Variants in MYT1L observed in about 807,000 individuals in gnomAD.
MYT1L encodes the protein myelin transcription factor 1-like protein.
MYT1L carries 12 observed loss-of-function variants against 126.7 expected under a neutral mutation model. The ratio of observed to expected loss-of-function variants is 0.09; its 90% confidence interval spans 0.06 to 0.15. MYT1L has a LOEUF of 0.15. Ranked by LOEUF, MYT1L falls within the 10% of genes least tolerant of loss-of-function variation. The pLI is 1.00. For synonymous variants in MYT1L, 541 were observed against 604.2 expected, an observed-to-expected ratio of 0.90 and a Z score of 1.53; for missense variants, 979 against 1,585.2, an observed-to-expected ratio of 0.62 and a Z score of 6.49.
chr2:1,867,368 C>T (rs1451270932), intron 18 of MYT1L, among the ~76,000 whole-genome samples: 2 of 152,164 alleles, frequency 1.3e-5, no homozygotes, highest in South Asian at 2.1e-4. Context: ...TTGGCTCTCA[C>T]CCCGGTGCCC....
chr2:1,846,691 G>A (rs1267945840), intron 19 of MYT1L, among the ~76,000 whole-genome samples: 1 of 152,158 alleles, frequency 6.6e-6, no homozygotes, highest in Non-Finnish European at 1.5e-5. Context: ...GGAGCCCAGG[G>A]GCAGAGCACA....
intron 4 of MYT1L, among the ~76,000 whole-genome samples, chr2:2,052,461 T>C (rs186282922): frequency 2.0e-5 from 3 of 152,262 alleles, no homozygotes; most frequent in Admixed American, 2.0e-4. Context: ...AACAACGAAA[T>C]GTTTGTGTGT....
At chr2:1,934,307 T>TATATATATATATACACAC (rs71276816) in intron 9 of MYT1L, among the ~76,000 whole-genome samples, 4 of 132,174 alleles carry the variant, frequency 3.0e-5, no homozygotes, top group African/African-American at 8.2e-5. Flanking sequence ...TATATATATA[T>TATATATATATATACACAC]ACAACCTCAT....
chr2:1,804,281 C>A (rs966286681), intron 22 of MYT1L, among the ~76,000 whole-genome samples: 1 of 152,130 alleles, frequency 6.6e-6, no homozygotes, highest in Admixed American at 6.5e-5. Context: ...CCACTACACC[C>A]GGCTAATTTT....
rs567922066 is a variant in MYT1L, at chr2:2,081,731, A to ATATT, written c.-303-27612_-303-27609dup. Reference sequence around the variant, plus strand: ...CATACCTTAGTTAGTTTATTTATTTATATTTATTTATTTATTTATTTACTT... The same window carrying ATATT: ...CATACCTTAGTTAGTTTATTTATTTATATTTATTTATTTATTTATTTATTTACTT... On this transcript the variant is annotated intron_variant, in intron 3 of 24. Coordinates refer to ENST00000647738, the MANE Select transcript of MYT1L (RefSeq NM_001303052.2). 4.3e-3 allele frequency among the ~76,000 whole-genome samples: 656 copies of ATATT among 151,884 alleles called. 5 individuals carry two copies. The highest frequency in any genetic ancestry group is 0.014 in the African/African-American group (583 of 41,420).
intron 3 of MYT1L, among the ~76,000 whole-genome samples, chr2:2,148,230 G>A (rs993117468): frequency 6.6e-6 from 1 of 152,238 alleles, no homozygotes; most frequent in Non-Finnish European, 1.5e-5. Context: ...CCAAGGACCA[G>A]TTTCTTGGAA....
chr2:2,089,028 T>TA (rs1444676719), intron 3 of MYT1L, among the ~76,000 whole-genome samples: 1 of 152,200 alleles, frequency 6.6e-6, no homozygotes, highest in Non-Finnish European at 1.5e-5. Context: ...ATGAATATGA[T>TA]AAACAGTGGG....
chr2:2,265,552 G>T (rs1048572907), intron 2 of MYT1L, among the ~76,000 whole-genome samples: 3 of 152,166 alleles, frequency 2.0e-5, no homozygotes, highest in African/African-American at 4.8e-5. Flanking sequence ...GACCAGGCGG[G>T]CCTTCCTCCC....
chr2:2,261,003 C>A lies in MYT1L; in HGVS notation c.-421+23401G>T, dbSNP rs531496833. 5.3e-5 allele frequency among the ~76,000 whole-genome samples: 8 copies of A among 152,294 alleles called. No homozygotes were observed. In the South Asian group the frequency reaches 1.7e-3, roughly 32 times the overall value. On this transcript the variant is annotated intron_variant, in intron 2 of 24. Coordinates refer to ENST00000647738, the MANE Select transcript of MYT1L (RefSeq NM_001303052.2). ...ATACTTTGTTAACGGTGTTATTTAT[C>A]AGATTACTCAGAGATTGAGCACCAA...
At chr2:1,881,267 G>A (rs1314728816) in intron 18 of MYT1L, among the ~76,000 whole-genome samples, 2 of 151,974 alleles carry the variant, frequency 1.3e-5, no homozygotes, top group East Asian at 3.9e-4. Flanking sequence ...GAAACAGAAG[G>A]AAAGACCGAG....
chr2:1,837,407 C>T (rs11127314), intron 21 of MYT1L, among the ~76,000 whole-genome samples: 66,768 of 151,964 alleles, frequency 0.44, 15,565 homozygotes, highest in East Asian at 0.67. Context: ...AGGGTTTTTA[C>T]AAAATTTTTA....
At chr2:2,144,283 C>T (rs2084526753) in intron 3 of MYT1L, among the ~76,000 whole-genome samples, 1 of 152,102 alleles carries the variant, frequency 6.6e-6, no homozygotes, top group Non-Finnish European at 1.5e-5. Context: ...TCCCCAGCCA[C>T]CCCCACGCCT....
intron 5 of MYT1L, among the ~76,000 whole-genome samples, chr2:1,987,406 T>C (rs2061122914): frequency 6.6e-6 from 1 of 152,060 alleles, no homozygotes; most frequent in Admixed American, 6.5e-5. Context: ...TGGCCTCAGA[T>C]GGCCGGAGTG....
At chr2:2,195,785 C>T (rs1041371971) in intron 2 of MYT1L, among the ~76,000 whole-genome samples, 4 of 151,980 alleles carry the variant, frequency 2.6e-5, no homozygotes, top group Non-Finnish European at 5.9e-5. Context: ...AGATTAACAA[C>T]AGAATATGAC....
chr2:1,999,508 A>C (rs1180252082), intron 4 of MYT1L, among the ~76,000 whole-genome samples: 2 of 152,210 alleles, frequency 1.3e-5, no homozygotes, highest in African/African-American at 4.8e-5. Flanking sequence ...TTGGGTGTAA[A>C]GACAAATGGA....
intron 15 of MYT1L, 34 bp downstream of exon 15, chr2:1,892,003 C>G: frequency 6.8e-7 from 1 of 1,480,042 alleles, no homozygotes; most frequent in Non-Finnish European, 9.0e-7. Flanking sequence ...CTCCCCCACC[C>G]GCCAGGTGGC....
intron 1 of MYT1L, among the ~76,000 whole-genome samples, chr2:2,307,026 G>A (rs982717619): frequency 7.2e-5 from 11 of 152,140 alleles, no homozygotes; most frequent in African/African-American, 2.4e-4. Flanking sequence ...AGAGTGAATA[G>A]GGTGTGTTTG....
intron 15 of MYT1L, among the ~76,000 whole-genome samples, chr2:1,890,333 A>C (rs2048699955): frequency 6.6e-6 from 1 of 152,200 alleles, no homozygotes; most frequent in Admixed American, 6.5e-5. Flanking sequence ...TCAGCCCCTC[A>C]AAGTGCTGAG....
Position 2,274,712 on chromosome 2 carries a change from C to G in MYT1L, c.-421+9692G>C, listed in dbSNP as rs187049148. On this transcript the variant is annotated intron_variant, in intron 2 of 24. Transcript: ENST00000647738. The stretch of plus-strand genomic sequence containing the variant: ...ATGAACTATGTTTCTAATAACATCA[C>G]TTTGCACAGGAATCTTAATTGTAGA... Among the ~76,000 whole-genome samples, 6 of 152,290 alleles carry G rather than the reference C, an allele frequency of 3.9e-5. No homozygotes were observed. In the East Asian group the frequency reaches 1.2e-3, roughly 29 times the overall value.
Sources: allele counts gnomAD v4.1 joint callset (sites outside exome capture counted in the v4.1 genomes callset), GRCh38; gene constraint gnomAD v4.1.1; transcripts MANE v1.5; gene names NCBI Gene and HGNC (gene_info 2026-07-23, HGNC 2026-07-21).